The following DNAAF5 variants were observed in gnomAD, a reference collection of about 807,000 sequenced individuals.
DNAAF5 encodes the protein HEAT repeat containing 2.
A neutral mutation model predicts 75.8 loss-of-function variants in DNAAF5; 64 were observed. That is an observed-to-expected ratio of 0.84 (90% CI 0.69 to 1.04). The LOEUF (loss-of-function observed/expected upper bound fraction) is 1.04, where lower values mean the gene tolerates loss of function less well. Among genes scored for constraint, DNAAF5 ranks in the 50% least tolerant of loss-of-function variants. The pLI, the probability that DNAAF5 is intolerant of heterozygous loss-of-function variation, is 0.00. For missense variants in DNAAF5, 1,269 were observed against 1,178.5 expected, an observed-to-expected ratio of 1.08 and a Z score of -1.12; for synonymous variants, 657 against 557.2, an observed-to-expected ratio of 1.18 and a Z score of -2.52.
chr7:726,993 C>G lies in DNAAF5; in HGVS notation c.273C>G (p.Gly91=). ...LLRCLSDPAE[G]CRALAVHLLD... The stretch of plus-strand genomic sequence containing the variant: ...GCTGCCTGAGCGACCCCGCCGAGGG[C>G]TGCCGCGCGCTGGCAGTGCACCTGC... The change falls in exon 1 of 13, where the codon GGC becomes GGG. Residue 91 remains glycine (G), a synonymous_variant. Coordinates refer to ENST00000297440, the MANE Select transcript of DNAAF5 (RefSeq NM_017802.4). 7.9e-7 allele frequency: 1 copy of G among 1,261,508 alleles called. No homozygotes were observed. The highest frequency in any genetic ancestry group is 1.0e-6 in the Non-Finnish European group (1 of 998,750). The allele number at this position is 1,261,508 out of a possible 1,614,324, so 78.1% of individuals were successfully genotyped here.
Position 768,654 on chromosome 7 carries a change from G to C in DNAAF5, c.1784-1817G>C, listed in dbSNP as rs555778665. ...TGCTGGGAAGGCAGATGGGTGGCCC[G>C]GGCAGAAGTGTCCGTGCTGCAAGCA... On this transcript the variant is annotated intron_variant, in intron 8 of 12. Transcript: ENST00000297440. 1.7e-3 allele frequency: 258 copies of C among 155,044 alleles called. 1 individual carries two copies. Among genetic ancestry groups the C allele is most frequent in the African/African-American group, 6.2e-3 (252 of 40,968 alleles). 9.6% of individuals were successfully genotyped at this position (155,044 alleles called of 1,614,324 possible).
chr7:780,556 T>C (rs1176013722), intron 12 of DNAAF5, among the ~76,000 whole-genome samples: 6 of 152,276 alleles, frequency 3.9e-5, no homozygotes, highest in Admixed American at 3.3e-4. Flanking sequence ...TCAGTCATGA[T>C]GTGTATGGCT....
rs1273132796 is a variant in DNAAF5 at position 765,355 on chromosome 7, T to TG, written c.1783+1386dup. ...GCCCCTCTCCCACGGGCCTCTTGGA[T>TG]GGGGGCCCAGGGTGTTGCATTTCAG... On this transcript the variant is annotated intron_variant, in intron 8 of 12. Coordinates refer to ENST00000297440, the MANE Select transcript of DNAAF5 (RefSeq NM_017802.4). 4.6e-5 allele frequency among the ~76,000 whole-genome samples: 7 copies of TG among 152,290 alleles called. No homozygotes were observed. In the South Asian group the frequency reaches 8.3e-4, roughly 18 times the overall value.
intron 12 of DNAAF5, among the ~76,000 whole-genome samples, chr7:780,760 C>T (rs530307272): frequency 5.9e-5 from 9 of 152,256 alleles, no homozygotes; most frequent in East Asian, 1.9e-4. Context: ...GAGCCTTCCA[C>T]GCTCAGTGCA....
intron 11 of DNAAF5, among the ~76,000 whole-genome samples, chr7:778,840 C>A (rs566537177): frequency 1.3e-5 from 2 of 152,362 alleles, no homozygotes; most frequent in Non-Finnish European, 2.9e-5. Flanking sequence ...AGCAAAAGCA[C>A]CCCCCATGCA....
rs200767540 is a variant in DNAAF5, at chr7:770,643, C to T, written c.1931+25C>T. 3,415 of 1,604,972 alleles carry T rather than the reference C, an allele frequency of 2.1e-3. 9 individuals are homozygous for T. The highest frequency in any genetic ancestry group is 4.1e-3 in the Middle Eastern group (23 of 5,640). On this transcript the variant is annotated intron_variant, in intron 9 of 12. Transcript: ENST00000297440. ...GGTAGGTCCGGGCTCTGCCTCTGCACGGCCCCCAGCTGGGGCCTGGGCCAG... is the reference window on the plus strand; with the variant it reads ...GGTAGGTCCGGGCTCTGCCTCTGCATGGCCCCCAGCTGGGGCCTGGGCCAG...
chr7:730,158 G>T (rs1013951580), intron 2 of DNAAF5, among the ~76,000 whole-genome samples: 2 of 152,178 alleles, frequency 1.3e-5, no homozygotes, highest in Non-Finnish European at 2.9e-5. Context: ...CCATCAAGAC[G>T]CACTTTCCCG....
At chr7:757,389 T>TGTGG (rs1469277152) in intron 6 of DNAAF5, among the ~76,000 whole-genome samples, 4 of 152,214 alleles carry the variant, frequency 2.6e-5, no homozygotes, top group Non-Finnish European at 4.4e-5. Flanking sequence ...TGGGGGTAGA[T>TGTGG]GTGGGGTCCA....
rs375089202 is a variant in DNAAF5, at chr7:738,776, G to A, written c.781-2043G>A. Reference sequence around the variant, plus strand: ...AGACTCAGGAGCAGCCCCAAATCCCGGCCCTAGCTGTCCTTGCTATCAGGT... The same window carrying A: ...AGACTCAGGAGCAGCCCCAAATCCCAGCCCTAGCTGTCCTTGCTATCAGGT... On this transcript the variant is annotated intron_variant, in intron 2 of 12. Coordinates refer to ENST00000297440, the MANE Select transcript of DNAAF5 (RefSeq NM_017802.4). Among the ~76,000 whole-genome samples the A allele has an allele frequency of 2.7e-4, 41 of 152,248 alleles. No individual in the cohort carries two copies. The East Asian group carries it at 3.5e-3, about 13-fold the overall frequency.
chr7:774,603 AAC>A (rs1778695996), intron 10 of DNAAF5, among the ~76,000 whole-genome samples: 1 of 152,056 alleles, frequency 6.6e-6, no homozygotes, highest in African/African-American at 2.4e-5. Flanking sequence ...GGTGTCAGAA[AAC>A]AGACACTGAT....
chr7:755,279 G>T (rs113803169), intron 5 of DNAAF5, among the ~76,000 whole-genome samples: 103 of 152,276 alleles, frequency 6.8e-4, no homozygotes, highest in African/African-American at 2.2e-3. Flanking sequence ...CCCTGGTGCA[G>T]TCCTCTTTCT....
At position 726,934 on chromosome 7, in the gene DNAAF5, C is replaced by A. The variant is rs1781324413; in HGVS notation, c.214C>A (p.Pro72Thr). 2.3e-5 allele frequency: 31 copies of A among 1,343,066 alleles called. No homozygotes were observed. Among genetic ancestry groups the A allele is most frequent in the Non-Finnish European group, 2.9e-5 (30 of 1,044,128 alleles). 83.2% of individuals were successfully genotyped at this position (1,343,066 alleles called of 1,614,324 possible). A position where few individuals can be genotyped will look rare whatever the true frequency, so the allele number is the denominator to read the frequency against. Residue 72 changes from proline (P) to threonine (T), a missense_variant, in exon 1 of 13, where the codon CCC (proline) becomes ACC (threonine). Pro to Thr is a conservative substitution (Grantham distance 38). Coordinates refer to ENST00000297440, the MANE Select transcript of DNAAF5 (RefSeq NM_017802.4). Reference sequence around the variant, plus strand: ...CGCCGACCCCACCGCTTTCCAGGGCCCCTGGGCGCGCCTACTGCTGCCGCG... The same window carrying A: ...CGCCGACCCCACCGCTTTCCAGGGCACCTGGGCGCGCCTACTGCTGCCGCG... ...PAADPTAFQG[P>T]WARLLLPRLL...
In DNAAF5 at chr7:736,738, G is replaced by A. The variant is rs146459659; in HGVS notation, c.781-4081G>A. 6.6e-5 allele frequency among the ~76,000 whole-genome samples: 10 copies of A among 152,204 alleles called. No individual in the cohort carries two copies. In the East Asian group the frequency reaches 1.2e-3, roughly 18 times the overall value. ...TGATAAGTAAGGACTTACTCCTGCC[G>A]TTTTGTTGTTTTCTGGTTGTTTCGT... On this transcript the variant is annotated intron_variant, in intron 2 of 12. Transcript: ENST00000297440.
rs1311060681 is a variant in DNAAF5 at position 727,081 on chromosome 7, C to G, written c.361C>G (p.Leu121Val). The stretch of plus-strand genomic sequence containing the variant: ...TGCCCTGCCGCGCCTGCTGCCCGCG[C>G]TCGCCGCGCGCTTGGCCGGCCCCGT... ...RDALPRLLPALAARLAGPVPA... is the reference protein window; with the variant it reads ...RDALPRLLPAVAARLAGPVPA... The change falls in exon 1 of 13, where the codon CTC becomes GTC. Residue 121 changes from leucine (L) to valine (V), a missense_variant. Physicochemically the swap from Leu to Val is conservative, Grantham distance 32 (BLOSUM62 1). Transcript: ENST00000297440. 3.8e-6 allele frequency: 4 copies of G among 1,045,364 alleles called. No homozygotes were observed. Among genetic ancestry groups the G allele is most frequent in the Non-Finnish European group, 4.6e-6 (4 of 871,572 alleles). 64.8% of individuals were successfully genotyped at this position (1,045,364 alleles called of 1,614,324 possible).
chr7:737,951 T>C (rs1781788092), intron 2 of DNAAF5, among the ~76,000 whole-genome samples: 1 of 152,238 alleles, frequency 6.6e-6, no homozygotes, highest in Admixed American at 6.5e-5. Context: ...AGTGCTGGTA[T>C]CTTTTTCTAG....
intron 12 of DNAAF5, 53 bp downstream of exon 12, chr7:780,197 C>G: frequency 6.5e-7 from 1 of 1,540,680 alleles, no homozygotes; most frequent in Non-Finnish European, 8.9e-7. Context: ...CGGCGCCTGC[C>G]ACGGGCATCT....
intron 2 of DNAAF5, among the ~76,000 whole-genome samples, chr7:738,952 G>C (rs1781817225): frequency 6.6e-6 from 1 of 152,258 alleles, no homozygotes; most frequent in Non-Finnish European, 1.5e-5. Context: ...AGCGAGTTCA[G>C]ACTGCTCCCT....
At chr7:733,678 A>G (rs951731085) in intron 2 of DNAAF5, among the ~76,000 whole-genome samples, 1 of 151,986 alleles carries the variant, frequency 6.6e-6, no homozygotes, top group Admixed American at 6.6e-5. Context: ...TTGTGTTTTT[A>G]GTAGAGACAG....
chr7:729,767 G>C lies in DNAAF5; in HGVS notation c.700G>C (p.Val234Leu). The C allele has an allele frequency of 6.2e-7, 1 of 1,614,240 alleles. No homozygotes were observed. Among genetic ancestry groups the C allele is most frequent in the Non-Finnish European group, 8.5e-7 (1 of 1,180,048 alleles). ...RVAAIEATGAVIHFGNGKSVD... is the reference protein window; with the variant it reads ...RVAAIEATGALIHFGNGKSVD... ...GGCCGCCATTGAAGCCACAGGCGCA[G>C]TGATCCATTTTGGCAACGGGAAGTC... The change falls in exon 2 of 13, where the codon GTG (valine) becomes CTG (leucine). Residue 234 changes from valine to leucine, a missense_variant. By Grantham distance (32) the Val-to-Leu change is conservative. Transcript: ENST00000297440.
Sources: allele counts gnomAD v4.1 joint callset (sites outside exome capture counted in the v4.1 genomes callset), GRCh38; gene constraint gnomAD v4.1.1; transcripts MANE v1.5; gene names NCBI Gene and HGNC (gene_info 2026-07-23, HGNC 2026-07-21).